PCDHA9: variants seen among roughly 807,000 people sequenced by gnomAD.
PCDHA9 encodes protocadherin alpha-9.
Under a neutral mutation model 62.0 loss-of-function variants are expected in PCDHA9, and 62 were observed. The observed-to-expected ratio is 1.00, with a 90% CI of 0.81 to 1.23. The LOEUF (loss-of-function observed/expected upper bound fraction) is 1.23. Ranked by LOEUF, PCDHA9 falls within the 50% of genes most tolerant of loss-of-function variation. The pLI is 0.00. For missense variants in PCDHA9, 1,205 were observed against 1,249.8 expected, an observed-to-expected ratio of 0.96 and a Z score of 0.54; for synonymous variants, 557 against 567.6, an observed-to-expected ratio of 0.98 and a Z score of 0.27.
intron 1 of PCDHA9, among the ~76,000 whole-genome samples, chr5:140,909,322 T>A (rs1554193738): frequency 6.6e-6 from 1 of 152,236 alleles, no homozygotes. Context: ...ATTTGCCAAA[T>A]CAATGGTTGC....
At chr5:140,980,722 A>G (rs1318137295) in intron 2 of PCDHA9, among the ~76,000 whole-genome samples, 1 of 152,356 alleles carries the variant, frequency 6.6e-6, no homozygotes, top group South Asian at 2.1e-4. Context: ...TCGGGTTTCA[A>G]TTAAGATATT....
At chr5:140,940,285 T>C (rs2092587239) in intron 1 of PCDHA9, among the ~76,000 whole-genome samples, 3 of 152,222 alleles carry the variant, frequency 2.0e-5, no homozygotes, top group Admixed American at 6.5e-5. Context: ...CTCATTGTGC[T>C]GCTTCATCAG....
At chr5:140,927,359 A>G in intron 1 of PCDHA9, 2 of 1,613,980 alleles carry the variant, frequency 1.2e-6, no homozygotes, top group Middle Eastern at 1.6e-4. Flanking sequence ...GAGGGAAGCA[A>G]TGGGATACTA....
At chr5:140,874,124 T>C (rs926046559) in intron 1 of PCDHA9, among the ~76,000 whole-genome samples, 1 of 152,266 alleles carries the variant, frequency 6.6e-6, no homozygotes, top group Non-Finnish European at 1.5e-5. Flanking sequence ...TTATAGTTTA[T>C]TTAAGTTATC....
intron 1 of PCDHA9, chr5:140,851,957 G>A: frequency 1.0e-6 from 1 of 975,112 alleles, no homozygotes; most frequent in Non-Finnish European, 1.2e-6. Flanking sequence ...TCAAAATGGT[G>A]GTTTTCCACA....
intron 1 of PCDHA9, among the ~76,000 whole-genome samples, chr5:140,969,689 G>C (rs2096353737): frequency 6.6e-6 from 1 of 152,136 alleles, no homozygotes; most frequent in Admixed American, 6.5e-5. Context: ...AGGAGAAATG[G>C]CCTCTGCTGT....
At chr5:140,864,854 A>T (rs1554159169) in intron 1 of PCDHA9, 1 of 152,178 alleles carries the variant, frequency 6.6e-6, no homozygotes, top group Non-Finnish European at 1.5e-5. Context: ...CCCATACATG[A>T]TGAAGGGTGA....
In PCDHA9 at chr5:140,955,830, T is replaced by G. The variant is rs564870909; in HGVS notation, c.2395-23119T>G. Among the ~76,000 whole-genome samples, 9 of 152,318 alleles carry G rather than the reference T, an allele frequency of 5.9e-5. No individual in the cohort carries two copies. The South Asian group carries it at 1.9e-3, about 32-fold the overall frequency. Reference sequence around the variant, plus strand: ...TGTCCACTGTGATTTCCTTGAGCAGTGGTTTGTCATTCTCCTTGAAGAGGT... The same window carrying G: ...TGTCCACTGTGATTTCCTTGAGCAGGGGTTTGTCATTCTCCTTGAAGAGGT... On this transcript the variant is annotated intron_variant, in intron 1 of 3. Coordinates refer to ENST00000532602, the MANE Select transcript of PCDHA9 (RefSeq NM_031857.2).
At chr5:140,971,918 G>A (rs1297848346) in intron 1 of PCDHA9, among the ~76,000 whole-genome samples, 1 of 152,082 alleles carries the variant, frequency 6.6e-6, no homozygotes, top group Non-Finnish European at 1.5e-5. Context: ...CAGCCACACT[G>A]CTAGTGTTAT....
At chr5:140,872,582 G>T (rs535860760) in intron 1 of PCDHA9, among the ~76,000 whole-genome samples, 2 of 152,202 alleles carry the variant, frequency 1.3e-5, no homozygotes, top group African/African-American at 4.8e-5. Context: ...ACCTATCATC[G>T]TGAGACCCCC....
chr5:140,927,904 C>T, intron 1 of PCDHA9: 5 of 1,614,202 alleles, frequency 3.1e-6, no homozygotes, highest in Non-Finnish European at 4.2e-6. Flanking sequence ...CGATCATGCC[C>T]CCGAACTGGA....
intron 1 of PCDHA9, chr5:140,883,969 G>T (rs1398092888): frequency 5.6e-6 from 9 of 1,612,844 alleles, no homozygotes; most frequent in Non-Finnish European, 7.6e-6. Flanking sequence ...CGCTGCTGAC[G>T]CCCGGGGCTG....
chr5:140,975,861 T>G (rs782026072), intron 1 of PCDHA9, among the ~76,000 whole-genome samples: 8 of 152,192 alleles, frequency 5.3e-5, no homozygotes, highest in Non-Finnish European at 8.8e-5. Flanking sequence ...ATCACCCATA[T>G]GGACTACCTA....
In PCDHA9 at chr5:140,900,825, C is replaced by T. The variant is rs568337253; in HGVS notation, c.2394+49936C>T. On this transcript the variant is annotated intron_variant, in intron 1 of 3. Coordinates refer to ENST00000532602, the MANE Select transcript of PCDHA9 (RefSeq NM_031857.2). Reference sequence around the variant, plus strand: ...TGCTTGTACTAATTTACATTCCCACCAACAATGTACAAAGTTTCCCTTTTT... The same window carrying T: ...TGCTTGTACTAATTTACATTCCCACTAACAATGTACAAAGTTTCCCTTTTT... Among the ~76,000 whole-genome samples, 8 of 152,276 alleles carry T rather than the reference C, an allele frequency of 5.3e-5. No homozygotes were observed. The South Asian group carries it at 1.7e-3, about 32-fold the overall frequency.
intron 1 of PCDHA9, chr5:140,857,268 T>C (rs1554149751): frequency 3.1e-6 from 5 of 1,598,704 alleles, no homozygotes; most frequent in Non-Finnish European, 3.4e-6. Flanking sequence ...TACTCATTGG[T>C]GCTGGACAGC....
chr5:140,871,935 T>A (rs373740331), intron 1 of PCDHA9, among the ~76,000 whole-genome samples: 2 of 152,262 alleles, frequency 1.3e-5, no homozygotes, highest in Non-Finnish European at 2.9e-5. Flanking sequence ...TTAGATCAAC[T>A]GGCTTTGTTT....
At chr5:140,863,351 C>A in intron 1 of PCDHA9, 1 of 1,288,682 alleles carries the variant, frequency 7.8e-7, no homozygotes, top group Non-Finnish European at 1.1e-6. Flanking sequence ...CTGTACACGA[C>A]GCTGCGGTGC....
chr5:140,967,984 C>G (rs2096207352), intron 1 of PCDHA9: 2 of 1,614,100 alleles, frequency 1.2e-6, no homozygotes, highest in African/African-American at 2.7e-5. Flanking sequence ...GTCTGGAGGC[C>G]ACACTGCCTT....
chr5:140,926,548 A>C, intron 1 of PCDHA9: 1 of 226,392 alleles, frequency 4.4e-6, no homozygotes, highest in Non-Finnish European at 8.5e-6. Flanking sequence ...GGTGGTCGAG[A>C]CCCCAGCCCG....
Sources: allele counts gnomAD v4.1 joint callset (sites outside exome capture counted in the v4.1 genomes callset), GRCh38; gene constraint gnomAD v4.1.1; transcripts MANE v1.5; gene names NCBI Gene and HGNC (gene_info 2026-07-23, HGNC 2026-07-21).